The following KIF5C variants were observed in gnomAD, a reference collection of about 807,000 sequenced individuals.
KIF5C encodes kinesin family member 5C, also known as kinesin heavy chain isoform 5C.
A neutral mutation model predicts 125.2 loss-of-function variants in KIF5C; 18 were observed. The ratio of observed to expected loss-of-function variants is 0.14; its 90% CI spans 0.10 to 0.21. KIF5C has a LOEUF of 0.21. KIF5C is among the 10% of genes least tolerant of loss of function. The probability of loss-of-function intolerance (pLI) is 1.00; values close to 1 mark genes in which losing one functional copy is unlikely to be tolerated. For missense variants in KIF5C, 780 were observed against 1,183.8 expected (o/e 0.66, Z 5.01); for synonymous variants, 405 against 434.0 (o/e 0.93, Z 0.83).
At chr2:148,962,426 AC>A (rs1355104470) in intron 11 of KIF5C, among the ~76,000 whole-genome samples, 2 of 150,168 alleles carry the variant, frequency 1.3e-5, no homozygotes, top group African/African-American at 4.9e-5. Flanking sequence ...TGATCCACCC[AC>A]CTTGGCCTCC....
intron 15 of KIF5C, among the ~76,000 whole-genome samples, chr2:148,987,214 G>C (rs571877519): frequency 6.6e-6 from 1 of 152,198 alleles, no homozygotes; most frequent in South Asian, 2.1e-4. Context: ...ATTCATGAAG[G>C]AGTGGCATGT....
intron 1 of KIF5C, among the ~76,000 whole-genome samples, chr2:148,881,677 G>A (rs1681358788): frequency 6.6e-6 from 1 of 151,878 alleles, no homozygotes; most frequent in South Asian, 2.1e-4. Context: ...ATTCACAGTT[G>A]GAAACCTCCC....
At chr2:148,952,687 C>T (rs965192176) in intron 10 of KIF5C, among the ~76,000 whole-genome samples, 1 of 152,182 alleles carries the variant, frequency 6.6e-6, no homozygotes, top group Admixed American at 6.5e-5. Context: ...CCCTCTGAGC[C>T]CCAGTCTTCT....
chr2:148,925,685 A>G (rs1344006741), intron 2 of KIF5C, among the ~76,000 whole-genome samples: 3 of 152,120 alleles, frequency 2.0e-5, no homozygotes, highest in Non-Finnish European at 4.4e-5. Context: ...GCATTTGATG[A>G]CAATTATTTT....
intron 19 of KIF5C, 122 bp downstream of exon 19, chr2:148,998,631 T>A (rs1287489119): frequency 7.0e-7 from 1 of 1,436,930 alleles, no homozygotes; most frequent in Non-Finnish European, 9.4e-7. Context: ...GGCACTGCCC[T>A]GGTGACACAG....
chr2:149,024,515 A>AGT lies in KIF5C; in HGVS notation c.*1490_*1491dup, dbSNP rs10577971. ...GACTGTGTGGGTCGAAGGTAGCTCA[A>AGT]GTGTGTGTGTGTGTGTGTGTGTGTG... is the stretch of plus-strand genomic sequence containing the variant. On this transcript the variant is annotated 3_prime_UTR_variant, in exon 26 of 26. Coordinates refer to ENST00000435030, the MANE Select transcript of KIF5C (RefSeq NM_004522.3). 6.6e-3 allele frequency: 853 copies of AGT among 128,686 alleles called. 3 individuals are homozygous for AGT. Among genetic ancestry groups the AGT allele is most frequent in the African/African-American group, 0.013 (453 of 35,316 alleles). 8.0% of individuals were successfully genotyped at this position (128,686 alleles called of 1,614,324 possible). A position where few individuals can be genotyped will look rare whatever the true frequency, so the allele number is the denominator to read the frequency against.
intron 10 of KIF5C, among the ~76,000 whole-genome samples, chr2:148,961,649 G>A (rs1682929810): frequency 1.3e-5 from 2 of 152,170 alleles, no homozygotes; most frequent in South Asian, 4.1e-4. Flanking sequence ...GAAAAAGGCT[G>A]TAACCATAAG....
chr2:148,908,605 G>A (rs115194186), intron 1 of KIF5C, among the ~76,000 whole-genome samples: 1 of 152,228 alleles, frequency 6.6e-6, no homozygotes, highest in African/African-American at 2.4e-5. Flanking sequence ...AGTTTCTCCA[G>A]TATTACCTAC....
intron 1 of KIF5C, among the ~76,000 whole-genome samples, chr2:148,912,390 G>A (rs753051522): frequency 1.3e-5 from 2 of 152,214 alleles, no homozygotes; most frequent in African/African-American, 2.4e-5. Context: ...AAGATTTTTG[G>A]CTTATAAAAT....
intron 12 of KIF5C, 116 bp from the exon 13 acceptor site, chr2:148,978,806 C>A: frequency 7.4e-7 from 1 of 1,349,364 alleles, no homozygotes; most frequent in Non-Finnish European, 9.7e-7. Flanking sequence ...TGCAGTAACA[C>A]CACACTATTC....
intron 23 of KIF5C, among the ~76,000 whole-genome samples, chr2:149,009,237 A>T (rs1242362044): frequency 2.0e-5 from 3 of 151,870 alleles, no homozygotes; most frequent in Admixed American, 1.3e-4. Flanking sequence ...TGATCCGCCC[A>T]CCTTGACCTC....
intron 21 of KIF5C, among the ~76,000 whole-genome samples, chr2:149,002,244 T>C (rs1166178217): frequency 6.6e-6 from 1 of 152,242 alleles, no homozygotes; most frequent in African/African-American, 2.4e-5. Context: ...TTTTGGGATG[T>C]TTTCTTCCTT....
intron 11 of KIF5C, among the ~76,000 whole-genome samples, chr2:148,970,593 A>G (rs968763867): frequency 9.2e-5 from 14 of 152,212 alleles, no homozygotes; most frequent in Non-Finnish European, 1.9e-4. Context: ...CTACTTTCAC[A>G]GTGCCTTACA....
chr2:148,948,081 C>G (rs1395625535), intron 8 of KIF5C: 2 of 447,938 alleles, frequency 4.5e-6, no homozygotes, highest in Admixed American at 2.4e-5. Flanking sequence ...GGTGCAGTGG[C>G]TCACGCCTGT....
chr2:148,900,765 C>A (rs1292070551), intron 1 of KIF5C, among the ~76,000 whole-genome samples: 1 of 152,134 alleles, frequency 6.6e-6, no homozygotes, highest in East Asian at 1.9e-4. Flanking sequence ...CTTGGGCTTA[C>A]AGACCAGAGG....
chr2:148,901,437 G>T (rs1331226841), intron 1 of KIF5C, among the ~76,000 whole-genome samples: 1 of 152,146 alleles, frequency 6.6e-6, no homozygotes, highest in African/African-American at 2.4e-5. Context: ...GGAATAGAGG[G>T]CAGGGATGTG....
chr2:148,900,420 T>C (rs1303094871), intron 1 of KIF5C, among the ~76,000 whole-genome samples: 2 of 152,226 alleles, frequency 1.3e-5, no homozygotes, highest in African/African-American at 4.8e-5. Flanking sequence ...TTTCAAAATC[T>C]TGGAAATCAA....
At chr2:148,978,336 T>G (rs913786651) in intron 12 of KIF5C, among the ~76,000 whole-genome samples, 2 of 125,606 alleles carry the variant, frequency 1.6e-5, no homozygotes, top group Non-Finnish European at 3.1e-5. Flanking sequence ...GCCCTGAGGT[T>G]TTTTTTTTTT....
chr2:148,980,828 C>T (rs1270771897), intron 13 of KIF5C, among the ~76,000 whole-genome samples: 2 of 151,966 alleles, frequency 1.3e-5, no homozygotes, highest in African/African-American at 4.8e-5. Flanking sequence ...GCCTCAGCTT[C>T]CCAAGTAGCT....
Sources: allele counts gnomAD v4.1 joint callset (sites outside exome capture counted in the v4.1 genomes callset), GRCh38; gene constraint gnomAD v4.1.1; transcripts MANE v1.5; gene names NCBI Gene and HGNC (gene_info 2026-07-23, HGNC 2026-07-21).